TRIO: variants seen among roughly 807,000 people sequenced by gnomAD.
TRIO encodes trio Rho guanine nucleotide exchange factor.
In TRIO, 58 loss-of-function variants were observed where a neutral mutation model predicts 351.9. The observed-to-expected ratio is 0.16, with a 90% CI of 0.13 to 0.21. The LOEUF is 0.21. Among genes scored for constraint, TRIO ranks in the 10% least tolerant of loss-of-function variants. TRIO has a pLI of 1.00. For synonymous variants in TRIO, 1,758 were observed against 1,595.7 expected (o/e 1.10, Z -2.42); for missense variants, 3,201 against 4,027.8 (o/e 0.79, Z 5.56).
At chr5:14,397,290 G>A in intron 29 of TRIO, 136 bp downstream of exon 29, 1 of 681,014 alleles carries the variant, frequency 1.5e-6, no homozygotes, top group Non-Finnish European at 2.4e-6. Context: ...TAAAGAATCA[G>A]TGTCATTGCT....
chr5:14,400,914 C>A, intron 30 of TRIO, 49 bp from the exon 31 acceptor site: 1 of 1,573,152 alleles, frequency 6.4e-7, no homozygotes, highest in Non-Finnish European at 8.7e-7. Flanking sequence ...GTTCTGCATC[C>A]TTCTAGAATT....
chr5:14,228,890 A>G lies in TRIO; in HGVS notation c.158-41935A>G, dbSNP rs1311590511. 2.0e-5 allele frequency among the ~76,000 whole-genome samples: 3 copies of G among 152,160 alleles called. No individual in the cohort carries two copies. In the South Asian group the frequency reaches 6.2e-4, roughly 31 times the overall value. The stretch of plus-strand genomic sequence containing the variant: ...CATCTCAAAAAAAAAGAAAAGAAAA[A>G]AGAATATACCAAATTATAATTCATA... On this transcript the variant is annotated intron_variant, in intron 1 of 56. Coordinates refer to ENST00000344204, the MANE Select transcript of TRIO (RefSeq NM_007118.4).
chr5:14,293,395 A>T (rs924202893), intron 6 of TRIO, among the ~76,000 whole-genome samples: 1 of 152,202 alleles, frequency 6.6e-6, no homozygotes, highest in Non-Finnish European at 1.5e-5. Context: ...CAGCACAGAC[A>T]CTTGGGATGC....
chr5:14,296,988 C>A, intron 6 of TRIO, 84 bp from the exon 7 acceptor site: 1 of 1,208,274 alleles, frequency 8.3e-7, no homozygotes, highest in Non-Finnish European at 1.2e-6. Context: ...GCCTGTGTTT[C>A]AGCAGGTGGC....
intron 2 of TRIO, among the ~76,000 whole-genome samples, chr5:14,279,602 A>G (rs752399433): frequency 4.6e-5 from 7 of 152,252 alleles, no homozygotes; most frequent in Non-Finnish European, 1.0e-4. Flanking sequence ...TAGTGATACC[A>G]AGCTGACTTC....
chr5:14,380,292 TCCTCCTTCGCG>T (rs1745964791), intron 20 of TRIO, among the ~76,000 whole-genome samples: 2 of 114,818 alleles, frequency 1.7e-5, no homozygotes, highest in South Asian at 4.8e-4. Context: ...GCGCCCCGCC[TCCTCCTTCGCG>T]CCCCGCCTCC....
chr5:14,169,238 G>T (rs146791256), intron 1 of TRIO, among the ~76,000 whole-genome samples: 9 of 148,674 alleles, frequency 6.1e-5, no homozygotes, highest in Non-Finnish European at 1.0e-4. Flanking sequence ...TAGATGGAAG[G>T]TTCCCCATTT....
At chr5:14,367,686 T>C (rs1744720399) in intron 16 of TRIO, among the ~76,000 whole-genome samples, 1 of 151,990 alleles carries the variant, frequency 6.6e-6, no homozygotes, top group African/African-American at 2.4e-5. Context: ...AAAAAGAACA[T>C]TTGATTACAG....
intron 33 of TRIO, among the ~76,000 whole-genome samples, chr5:14,419,513 T>A (rs929292494): frequency 6.6e-6 from 1 of 152,210 alleles, no homozygotes; most frequent in African/African-American, 2.4e-5. Flanking sequence ...GAGTTTTTTT[T>A]AGTCTGCTGT....
chr5:14,452,667 G>C (rs1046625969), intron 34 of TRIO, among the ~76,000 whole-genome samples: 1 of 152,240 alleles, frequency 6.6e-6, no homozygotes, highest in Non-Finnish European at 1.5e-5. Context: ...GTGAGACTGA[G>C]AAATGGAAGA....
chr5:14,328,805 G>T (rs1441545822), intron 9 of TRIO, among the ~76,000 whole-genome samples: 1 of 152,192 alleles, frequency 6.6e-6, no homozygotes, highest in Admixed American at 6.5e-5. Context: ...TAAATTCTAT[G>T]TCTCTGTATA....
chr5:14,372,442 G>C (rs1745204028), intron 18 of TRIO, among the ~76,000 whole-genome samples: 1 of 152,142 alleles, frequency 6.6e-6, no homozygotes, highest in South Asian at 2.1e-4. Context: ...CTTCCCATCA[G>C]CCTTTCAGCT....
intron 31 of TRIO, 69 bp downstream of exon 31, chr5:14,401,133 C>T (rs755891473): frequency 3.8e-5 from 50 of 1,307,642 alleles, no homozygotes; most frequent in Non-Finnish European, 4.6e-5. Flanking sequence ...CTTGCTTTTC[C>T]GTTGTTTTCA....
intron 9 of TRIO, 89 bp from the exon 10 acceptor site, chr5:14,330,686 TAAC>T (rs1581634009): frequency 1.4e-6 from 2 of 1,418,824 alleles, no homozygotes; most frequent in East Asian, 5.0e-5. Flanking sequence ...TACAGAGTTT[TAAC>T]AACAGAAGGG....
At chr5:14,394,729 ATTAG>A (rs1747415006) in intron 28 of TRIO, among the ~76,000 whole-genome samples, 1 of 152,178 alleles carries the variant, frequency 6.6e-6, no homozygotes, top group African/African-American at 2.4e-5. Context: ...TCTGCTTTTT[ATTAG>A]TTGTGAGTGA....
intron 37 of TRIO, among the ~76,000 whole-genome samples, chr5:14,470,901 A>G (rs1754632705): frequency 1.3e-5 from 2 of 152,222 alleles, no homozygotes. Context: ...TACCATGTCC[A>G]GGTGCCACAC....
intron 11 of TRIO, among the ~76,000 whole-genome samples, chr5:14,340,143 C>T (rs1288775708): frequency 6.6e-6 from 1 of 151,942 alleles, no homozygotes; most frequent in Non-Finnish European, 1.5e-5. Context: ...GCCTGTAATC[C>T]CAGCACTTTG....
At chr5:14,146,219 G>T (rs1042311380) in intron 1 of TRIO, among the ~76,000 whole-genome samples, 1 of 152,114 alleles carries the variant, frequency 6.6e-6, no homozygotes. Context: ...AGGGCTGACC[G>T]GGCAAGGAAG....
At chr5:14,251,932 A>G (rs1342715158) in intron 1 of TRIO, among the ~76,000 whole-genome samples, 2 of 151,028 alleles carry the variant, frequency 1.3e-5, no homozygotes, top group Admixed American at 6.6e-5. Flanking sequence ...TTGAAATGAC[A>G]GCAGAGCCTT....
Sources: allele counts gnomAD v4.1 joint callset (sites outside exome capture counted in the v4.1 genomes callset), GRCh38; gene constraint gnomAD v4.1.1; transcripts MANE v1.5; gene names NCBI Gene and HGNC (gene_info 2026-07-23, HGNC 2026-07-21).